The following ITGB3BP variants were observed in gnomAD, a reference collection of about 807,000 sequenced individuals.
ITGB3BP encodes centromere protein R.
In ITGB3BP, 27 loss-of-function variants were observed where a neutral mutation model predicts 29.1. That is an observed-to-expected ratio of 0.93 (90% CI 0.68 to 1.28). ITGB3BP has a LOEUF of 1.28. ITGB3BP is among the 50% of genes most tolerant of loss of function. ITGB3BP has a pLI of 0.00. For synonymous variants in ITGB3BP, 61 were observed against 61.4 expected, an observed-to-expected ratio of 0.99 and a Z score of 0.03; for missense variants, 192 against 200.2, an observed-to-expected ratio of 0.96 and a Z score of 0.25.
intron 3 of ITGB3BP, among the ~76,000 whole-genome samples, chr1:63,487,198 TAA>T (rs1247190247): frequency 1.3e-5 from 2 of 152,048 alleles, no homozygotes; most frequent in Non-Finnish European, 2.9e-5. Context: ...TTACAGTCTA[TAA>T]AGTTTGTCTG....
At chr1:63,459,176 A>G (rs748226243) in intron 4 of ITGB3BP, among the ~76,000 whole-genome samples, 5 of 152,110 alleles carry the variant, frequency 3.3e-5, no homozygotes, top group Admixed American at 6.5e-5. Flanking sequence ...ACCTAATTTA[A>G]TGAATCTTCT....
chr1:63,450,880 A>G (rs561986895), intron 7 of ITGB3BP, among the ~76,000 whole-genome samples: 28 of 152,038 alleles, frequency 1.8e-4, no homozygotes, highest in Non-Finnish European at 3.0e-5. Flanking sequence ...TTCTTATGAC[A>G]CTATGAAAAT....
chr1:63,479,285 T>A (rs1218370632), intron 3 of ITGB3BP, among the ~76,000 whole-genome samples: 1 of 152,188 alleles, frequency 6.6e-6, no homozygotes, highest in African/African-American at 2.4e-5. Flanking sequence ...CGTAATATCA[T>A]TGTAAAATAA....
chr1:63,482,567 T>G, intron 3 of ITGB3BP, among the ~76,000 whole-genome samples: 1 of 151,984 alleles, frequency 6.6e-6, no homozygotes, highest in Non-Finnish European at 1.5e-5. Flanking sequence ...CTGCTATTCT[T>G]TTAATAAACC....
intron 3 of ITGB3BP, among the ~76,000 whole-genome samples, chr1:63,484,553 T>C (rs900287257): frequency 2.0e-5 from 3 of 152,178 alleles, no homozygotes; most frequent in African/African-American, 7.2e-5. Flanking sequence ...TTAAAATTTT[T>C]GGAGGGCTGC....
chr1:63,497,732 G>GA (rs56139419), intron 2 of ITGB3BP, among the ~76,000 whole-genome samples: 51,154 of 151,672 alleles, frequency 0.34, 8,781 homozygotes, highest in East Asian at 0.48. Context: ...GAAGAGGGAA[G>GA]GACAGAAGGT....
At chr1:63,445,112 C>G (rs1644774615) in intron 8 of ITGB3BP, among the ~76,000 whole-genome samples, 1 of 151,820 alleles carries the variant, frequency 6.6e-6, no homozygotes, top group Non-Finnish European at 1.5e-5. Flanking sequence ...TGGTGAAACC[C>G]CATGTCTAAT....
rs749920093 is a variant in ITGB3BP at position 63,490,067 on chromosome 1, A to G, written c.184+16T>C. 1 of 1,604,764 alleles carries G rather than the reference A, an allele frequency of 6.2e-7. No individual in the cohort carries two copies. The highest frequency in any genetic ancestry group is 2.2e-5 in the East Asian group (1 of 44,638). The stretch of plus-strand genomic sequence containing the variant: ...AGAAAAACCTTACAATAAGTAGAAA[A>G]GAATGTTCAACTAACCATTTGATAG... On this transcript the variant is annotated intron_variant, in intron 3 of 8. Transcript: ENST00000271002.
chr1:63,442,688 T>C (rs1262174219), intron 8 of ITGB3BP: 1 of 152,224 alleles, frequency 6.6e-6, no homozygotes, highest in East Asian at 1.9e-4. Flanking sequence ...ACCAATCAAG[T>C]TGATACTTTG....
At chr1:63,456,560 C>T (rs1644939549) in intron 4 of ITGB3BP, among the ~76,000 whole-genome samples, 1 of 152,088 alleles carries the variant, frequency 6.6e-6, no homozygotes, top group African/African-American at 2.4e-5. Context: ...CTACTGAGTG[C>T]CCTAGGAGTA....
intron 4 of ITGB3BP, among the ~76,000 whole-genome samples, chr1:63,469,940 C>T (rs1478949973): frequency 6.6e-6 from 1 of 152,232 alleles, no homozygotes; most frequent in Non-Finnish European, 1.5e-5. Context: ...GCAAGGAACA[C>T]CTGGCCCGCC....
chr1:63,471,851 C>T (rs1645202868), intron 4 of ITGB3BP, among the ~76,000 whole-genome samples: 1 of 151,982 alleles, frequency 6.6e-6, no homozygotes, highest in Non-Finnish European at 1.5e-5. Flanking sequence ...GTGGCACCAT[C>T]TCGGCTCACT....
chr1:63,460,827 GAT>G (rs1318631455), intron 4 of ITGB3BP, among the ~76,000 whole-genome samples: 2 of 152,110 alleles, frequency 1.3e-5, no homozygotes, highest in African/African-American at 4.8e-5. Context: ...CATCCTCGTA[GAT>G]GTAAGGTTTA....
At chr1:63,475,134 C>A (rs1422004035) in intron 4 of ITGB3BP, among the ~76,000 whole-genome samples, 1 of 151,964 alleles carries the variant, frequency 6.6e-6, no homozygotes, top group Non-Finnish European at 1.5e-5. Context: ...ACAACCACAC[C>A]CACCTAATTT....
At chr1:63,473,635 C>T (rs1357428139) in intron 4 of ITGB3BP, among the ~76,000 whole-genome samples, 20 of 128,998 alleles carry the variant, frequency 1.6e-4, no homozygotes, top group South Asian at 2.7e-4. Context: ...GTCAGCCCCC[C>T]GCCCGGCCAG....
chr1:63,516,360 G>T (rs1403011878), intron 1 of ITGB3BP, among the ~76,000 whole-genome samples: 2 of 93,552 alleles, frequency 2.1e-5, no homozygotes, highest in Admixed American at 1.0e-4. Flanking sequence ...GGGAAGGTGG[G>T]GGAGAAGGGG....
intron 4 of ITGB3BP, chr1:63,457,262 C>G (rs536411528): frequency 6.6e-6 from 1 of 152,104 alleles, no homozygotes; most frequent in East Asian, 1.9e-4. Flanking sequence ...ACTGAAGAAG[C>G]CTTCATAATC....
intron 4 of ITGB3BP, among the ~76,000 whole-genome samples, chr1:63,463,249 C>CAA (rs10693054): frequency 0.017 from 1,342 of 76,730 alleles, 77 homozygotes; most frequent in African/African-American, 0.037. Flanking sequence ...AACTCTGTCT[C>CAA]AAAAAAAAAA....
Position 63,447,693 on chromosome 1 carries a change from G to C in ITGB3BP, c.485-837C>G, listed in dbSNP as rs370365077. 6 of 456,448 alleles carry C rather than the reference G, an allele frequency of 1.3e-5. No homozygotes were observed. In the East Asian group the frequency reaches 4.1e-4, roughly 31 times the overall value. The allele number at this position is 456,448 out of a possible 1,614,324, so 28.3% of individuals were successfully genotyped here. A position where few individuals can be genotyped will look rare whatever the true frequency, so the allele number is the denominator to read the frequency against. On this transcript the variant is annotated intron_variant, in intron 7 of 8. Transcript: ENST00000271002. Reference sequence around the variant, plus strand: ...GTCAGGAAACAACAGGTGCTGGAGAGGATGTGGAGAAATAGGAACACTTTT... The same window carrying C: ...GTCAGGAAACAACAGGTGCTGGAGACGATGTGGAGAAATAGGAACACTTTT...
Sources: allele counts gnomAD v4.1 joint callset (sites outside exome capture counted in the v4.1 genomes callset), GRCh38; gene constraint gnomAD v4.1.1; transcripts MANE v1.5; gene names NCBI Gene and HGNC (gene_info 2026-07-23, HGNC 2026-07-21).